PSMA6: variants seen among roughly 807,000 people sequenced by gnomAD.
PSMA6 encodes proteasome subunit alpha type-6.
For missense variants in PSMA6, 170 were observed against 294.8 expected, an observed-to-expected ratio of 0.58 and a Z score of 3.10; for synonymous variants, 88 against 97.7, an observed-to-expected ratio of 0.90 and a Z score of 0.59.
chr14:35,292,675 A>G (rs1372664200), intron 1 of PSMA6, 123 bp downstream of exon 1: 1 of 1,493,646 alleles, frequency 6.7e-7, no homozygotes, highest in African/African-American at 1.4e-5. Flanking sequence ...GGGAAGGGAG[A>G]ACGGCTGAAG....
At chr14:35,297,750 T>C (rs772049804) in intron 1 of PSMA6, among the ~76,000 whole-genome samples, 1 of 152,210 alleles carries the variant, frequency 6.6e-6, no homozygotes, top group Non-Finnish European at 1.5e-5. Flanking sequence ...TCTGCTGTTG[T>C]TCTCACAGCC....
chr14:35,281,757 A>G (rs754762960), intron 1 of PSMA6, among the ~76,000 whole-genome samples: 52 of 152,116 alleles, frequency 3.4e-4, no homozygotes, highest in Non-Finnish European at 7.1e-4. Context: ...AGGTTACTTA[A>G]AAAGAAATTT....
intron 1 of PSMA6, among the ~76,000 whole-genome samples, chr14:35,302,110 A>G (rs376534925): frequency 1.8e-4 from 27 of 152,266 alleles, no homozygotes; most frequent in African/African-American, 6.3e-4. Flanking sequence ...ATAAGGTAAC[A>G]TTCACAGGTT....
chr14:35,287,938 A>C (rs1362863217), upstream of PSMA6, among the ~76,000 whole-genome samples: 1 of 152,090 alleles, frequency 6.6e-6, no homozygotes, highest in Non-Finnish European at 1.5e-5. Context: ...CTTTGAATGG[A>C]ATTGGCAAAC....
At chr14:35,316,979 G>T (rs376766277) in intron 6 of PSMA6, 2 of 321,310 alleles carry the variant, frequency 6.2e-6, no homozygotes, top group Non-Finnish European at 1.1e-5. Context: ...TGCAACTAAA[G>T]AATTTTATTT....
chr14:35,286,260 G>C (rs764837385), intron 1 of PSMA6, among the ~76,000 whole-genome samples: 1 of 152,134 alleles, frequency 6.6e-6, no homozygotes, highest in East Asian at 1.9e-4. Context: ...CAATATGACC[G>C]TTCGCTTCTC....
rs753428572 is a variant in PSMA6 at position 35,307,988 on chromosome 14, T to A, written c.77-6T>A. 6.2e-7 allele frequency: 1 copy of A among 1,613,478 alleles called. No homozygotes were observed. On this transcript the variant is annotated splice_polypyrimidine_tract_variant and splice_region_variant and intron_variant, in intron 1 of 6. Coordinates refer to ENST00000261479, the MANE Select transcript of PSMA6 (RefSeq NM_002791.3). ...CCAACTTAAAAAAAACTGTTCTGTT[T>A]TCCAGAATATGCTTTTAAGGCTATT... is the stretch of plus-strand genomic sequence containing the variant.
chr14:35,292,013 G>A (rs1347487821), upstream of PSMA6, among the ~76,000 whole-genome samples: 2 of 152,122 alleles, frequency 1.3e-5, no homozygotes, highest in Non-Finnish European at 2.9e-5. Flanking sequence ...GAAAGTGGAG[G>A]ATAAAAGAGG....
chr14:35,309,566 C>T (rs185194911), intron 3 of PSMA6, among the ~76,000 whole-genome samples: 2 of 152,144 alleles, frequency 1.3e-5, no homozygotes, highest in Admixed American at 6.5e-5. Context: ...CCGAGGCAGG[C>T]GGATCACTTG....
At chr14:35,283,807 A>G (rs987523130) in intron 1 of PSMA6, among the ~76,000 whole-genome samples, 9 of 152,062 alleles carry the variant, frequency 5.9e-5, no homozygotes, top group Admixed American at 4.6e-4. Context: ...GGCTCAAGCA[A>G]TCCTCCCAAC....
intron 1 of PSMA6, 24 bp downstream of exon 1, chr14:35,292,576 G>C (rs1594376913): frequency 6.2e-7 from 1 of 1,611,156 alleles, no homozygotes. Context: ...GTTCGCCTGT[G>C]GGCCACCTGA....
At chr14:35,298,176 A>G (rs1182549928) in intron 1 of PSMA6, among the ~76,000 whole-genome samples, 1 of 152,122 alleles carries the variant, frequency 6.6e-6, no homozygotes, top group Non-Finnish European at 1.5e-5. Flanking sequence ...TTAATGCATT[A>G]TAATTTTTCC....
At chr14:35,278,931 G>A (rs1242165432) in intron 1 of PSMA6, among the ~76,000 whole-genome samples, 1 of 151,260 alleles carries the variant, frequency 6.6e-6, no homozygotes. Context: ...CTCATTTTTT[G>A]TTTTTCTATA....
upstream of PSMA6, among the ~76,000 whole-genome samples, chr14:35,291,823 CAAAA>C (rs113987343): frequency 1.4e-3 from 66 of 47,736 alleles, no homozygotes; most frequent in African/African-American, 3.9e-3. Context: ...AACTCTGTCT[CAAAA>C]AAAAAAAAAA....
intron 4 of PSMA6, chr14:35,311,170 T>A (rs547115629): frequency 4.3e-5 from 12 of 277,316 alleles, no homozygotes; most frequent in African/African-American, 2.7e-4. Flanking sequence ...ATTATTAGGA[T>A]GTTGTAATGA....
intron 5 of PSMA6, 147 bp from the exon 6 acceptor site, chr14:35,314,214 T>G (rs1229242527): frequency 3.3e-6 from 3 of 912,148 alleles, no homozygotes; most frequent in Non-Finnish European, 4.4e-6. Flanking sequence ...GGCAATACAT[T>G]AGAGTTAAGC....
intron 6 of PSMA6, 43 bp downstream of exon 6, chr14:35,314,498 G>A (rs755439139): frequency 1.9e-6 from 3 of 1,583,778 alleles, no homozygotes; most frequent in Admixed American, 3.5e-5. Flanking sequence ...AAAGGTGGAG[G>A]CGTGTGAGTC....
chr14:35,300,009 GCAGTATAGACAGTAA>G (rs2051680140), intron 1 of PSMA6, among the ~76,000 whole-genome samples: 1 of 152,200 alleles, frequency 6.6e-6, no homozygotes, highest in Non-Finnish European at 1.5e-5. Flanking sequence ...CAGTGTGAAT[GCAGTATAGACAGTAA>G]CAACTGAAAG....
chr14:35,284,252 G>A (rs929103126), intron 1 of PSMA6, among the ~76,000 whole-genome samples: 1 of 151,930 alleles, frequency 6.6e-6, no homozygotes, highest in Non-Finnish European at 1.5e-5. Flanking sequence ...GCTTGTTTAT[G>A]CCACTCCCAT....
Sources: gnomAD v4.1 joint callset for allele counts (sites outside exome capture counted in the v4.1 genomes callset) on GRCh38, gnomAD v4.1.1 for gene constraint, MANE v1.5 for transcripts, NCBI Gene and HGNC (gene_info 2026-07-23, HGNC 2026-07-21) for gene names.